The following GTF2IRD1 variants were observed in gnomAD, a reference collection of about 807,000 sequenced individuals.
GTF2IRD1 encodes general transcription factor II-I repeat domain-containing protein 1.
In GTF2IRD1, 26 loss-of-function variants were observed where a neutral mutation model predicts 113.2. The ratio of observed to expected loss-of-function variants is 0.23; its 90% confidence interval spans 0.17 to 0.32. GTF2IRD1 has a LOEUF of 0.32. GTF2IRD1 is among the 10% of genes least tolerant of loss of function. GTF2IRD1 has a pLI of 1.00. For synonymous variants in GTF2IRD1, 484 were observed against 529.1 expected (o/e 0.91, Z 1.17); for missense variants, 864 against 1,280.8 (o/e 0.67, Z 4.97).
rs11452589 is a variant in GTF2IRD1, at chr7:74,561,346, CAAAAAAAAAAA to C, written c.2320+1700_2320+1710del. On this transcript the variant is annotated intron_variant, in intron 22 of 26. Transcript: ENST00000424337. ...CTTGGGCGACGGGACTAGATTGTCTCAAAAAAAAAAAAAAAAAAAGAACTTAGGGTACAGTG... is the reference window on the plus strand; with the variant it reads ...CTTGGGCGACGGGACTAGATTGTCTCAAAAAAAAGAACTTAGGGTACAGTG... Among the ~76,000 whole-genome samples, 4 of 77,746 alleles carry C rather than the reference CAAAAAAAAAAA, an allele frequency of 5.1e-5. No individual in the cohort carries two copies. The Admixed American group carries it at 5.9e-4, about 12-fold the overall frequency. 51.0% of individuals were successfully genotyped at this position (77,746 alleles called of 152,430 possible).
intron 2 of GTF2IRD1, among the ~76,000 whole-genome samples, chr7:74,508,690 T>TAA (rs35760074): frequency 0.073 from 9,675 of 131,984 alleles, 1,082 homozygotes; most frequent in African/African-American, 0.24. Context: ...GACTCCGTCT[T>TAA]AAAAAAAAAA....
intron 1 of GTF2IRD1, among the ~76,000 whole-genome samples, chr7:74,488,219 G>A (rs1292604472): frequency 6.6e-6 from 1 of 151,796 alleles, no homozygotes; most frequent in Non-Finnish European, 1.5e-5. Context: ...GGAGTTGGAG[G>A]CTGCAGTGAG....
intron 22 of GTF2IRD1, 115 bp from the exon 23 acceptor site, chr7:74,589,736 C>G: frequency 1.6e-6 from 1 of 634,356 alleles, no homozygotes; most frequent in South Asian, 1.8e-5. Flanking sequence ...AGGAGTGGGT[C>G]GGCCCTGCAG....
intron 26 of GTF2IRD1, chr7:74,601,544 G>A (rs1271160549): frequency 3.6e-5 from 46 of 1,267,792 alleles, no homozygotes; most frequent in African/African-American, 7.5e-5. Flanking sequence ...AGGTCAAGTC[G>A]GGTGGATCAC....
At chr7:74,472,025 C>G (rs1794145181) in intron 1 of GTF2IRD1, among the ~76,000 whole-genome samples, 1 of 152,112 alleles carries the variant, frequency 6.6e-6, no homozygotes, top group African/African-American at 2.4e-5. Context: ...AAACAGAACA[C>G]TCATAGAACT....
At chr7:74,554,519 A>C (rs1157357168) in intron 17 of GTF2IRD1, among the ~76,000 whole-genome samples, 1 of 152,010 alleles carries the variant, frequency 6.6e-6, no homozygotes, top group Non-Finnish European at 1.5e-5. Flanking sequence ...CTTGCTTCGT[A>C]GTGGGCCCCG....
intron 22 of GTF2IRD1, among the ~76,000 whole-genome samples, chr7:74,570,271 G>A (rs1434021378): frequency 2.6e-5 from 4 of 151,730 alleles, no homozygotes; most frequent in East Asian, 3.9e-4. Flanking sequence ...CTTGAGGCAG[G>A]AGAATCGCTT....
intron 22 of GTF2IRD1, among the ~76,000 whole-genome samples, chr7:74,582,322 G>A (rs1298617871): frequency 1.3e-5 from 2 of 152,218 alleles, no homozygotes; most frequent in African/African-American, 4.8e-5. Context: ...TTCCCTCCCA[G>A]ACAGTGAGTC....
At chr7:74,480,704 A>G (rs1794689293) in intron 1 of GTF2IRD1, among the ~76,000 whole-genome samples, 1 of 152,172 alleles carries the variant, frequency 6.6e-6, no homozygotes, top group East Asian at 1.9e-4. Flanking sequence ...CCCTCCTGGT[A>G]GAGCAGGCAT....
intron 1 of GTF2IRD1, among the ~76,000 whole-genome samples, chr7:74,467,084 G>C (rs1321585518): frequency 6.6e-6 from 1 of 151,908 alleles, no homozygotes; most frequent in African/African-American, 2.4e-5. Flanking sequence ...CAGTAGCTGG[G>C]ACCACATGCA....
intron 1 of GTF2IRD1, among the ~76,000 whole-genome samples, chr7:74,458,892 C>T (rs1485825994): frequency 6.6e-6 from 1 of 150,744 alleles, no homozygotes; most frequent in African/African-American, 2.5e-5. Context: ...CCCCTGACCT[C>T]AAGTGATTGG....
chr7:74,486,914 A>G (rs1461270334), intron 1 of GTF2IRD1, among the ~76,000 whole-genome samples: 1 of 152,190 alleles, frequency 6.6e-6, no homozygotes, highest in Non-Finnish European at 1.5e-5. Context: ...TGAGCCCAGG[A>G]GTTTGAAACC....
At chr7:74,547,386 G>C in intron 17 of GTF2IRD1, 100 bp downstream of exon 17, 1 of 883,544 alleles carries the variant, frequency 1.1e-6, no homozygotes, top group South Asian at 1.5e-5. Flanking sequence ...TTGTGCCTCA[G>C]CCACCTGAAT....
rs782517858 is a variant in GTF2IRD1 at position 74,508,202 on chromosome 7, T to C, written c.122T>C (p.Met41Thr). 3 of 1,611,526 alleles carry C rather than the reference T, an allele frequency of 1.9e-6. No homozygotes were observed. The highest frequency in any genetic ancestry group is 8.5e-7 in the Non-Finnish European group (1 of 1,179,526). ...ITSLVSALDS[M>T]CSALSKLNAE... Reference sequence around the variant, plus strand: ...AGCCTCGTGTCTGCCTTAGACTCCATGGTGAGTGTCCCCACCCACCCAAGA... The same window carrying C: ...AGCCTCGTGTCTGCCTTAGACTCCACGGTGAGTGTCCCCACCCACCCAAGA... The change falls in exon 2 of 27, where the codon ATG (methionine) becomes ACG (threonine). Residue 41 changes from methionine (M) to threonine (T), a missense_variant and splice_region_variant. Transcript: ENST00000424337.
At chr7:74,458,205 A>G (rs1271328947) in intron 1 of GTF2IRD1, among the ~76,000 whole-genome samples, 1 of 152,010 alleles carries the variant, frequency 6.6e-6, no homozygotes, top group Non-Finnish European at 1.5e-5. Context: ...CTTCCGGGAT[A>G]ATATGGGGCC....
intron 1 of GTF2IRD1, 93 bp from the exon 2 acceptor site, chr7:74,507,981 AG>A (rs1796391611): frequency 7.2e-7 from 1 of 1,393,376 alleles, no homozygotes; most frequent in African/African-American, 1.4e-5. Context: ...CGGTCTTGGG[AG>A]TCCGGGGGTC....
chr7:74,551,765 G>A (rs1248378528), intron 17 of GTF2IRD1, among the ~76,000 whole-genome samples: 5 of 151,748 alleles, frequency 3.3e-5, no homozygotes, highest in Admixed American at 2.6e-4. Flanking sequence ...GTGAAACCCC[G>A]TCTCTACTAA....
At chr7:74,557,370 C>T (rs1306966937) in intron 19 of GTF2IRD1, among the ~76,000 whole-genome samples, 2 of 152,330 alleles carry the variant, frequency 1.3e-5, no homozygotes, top group East Asian at 3.9e-4. Flanking sequence ...CCCTCCCCTC[C>T]GGGGCTTATT....
intron 1 of GTF2IRD1, chr7:74,506,220 A>G (rs1584545575): frequency 2.0e-5 from 3 of 152,336 alleles, no homozygotes; most frequent in East Asian, 3.9e-4. Flanking sequence ...TCATTGGCCA[A>G]TGATCATATA....
Sources: gnomAD v4.1 joint callset for allele counts (sites outside exome capture counted in the v4.1 genomes callset) on GRCh38, gnomAD v4.1.1 for gene constraint, MANE v1.5 for transcripts, NCBI Gene and HGNC (gene_info 2026-07-23, HGNC 2026-07-21) for gene names.